The following FGF13 variants were observed in gnomAD, a reference collection of about 807,000 sequenced individuals.
The protein encoded by FGF13 is fibroblast growth factor 13.
In FGF13, 2 loss-of-function variants were observed where a neutral mutation model predicts 19.5. The ratio of observed to expected loss-of-function variants is 0.10; its 90% CI spans 0.04 to 0.32. FGF13 has a LOEUF of 0.32. FGF13 is among the 10% of genes least tolerant of loss of function. The probability of loss-of-function intolerance (pLI) is 1.00; values close to 1 mark genes in which losing one functional copy is unlikely to be tolerated. For missense variants in FGF13, 113 were observed against 192.7 expected (o/e 0.59, Z 2.45); for synonymous variants, 72 against 76.9 (o/e 0.94, Z 0.33).
intron 3 of FGF13, among the ~76,000 whole-genome samples, chrX:138,694,790 T>C (rs2089877834): frequency 9.1e-6 from 1 of 110,383 alleles, no homozygotes; most frequent in Admixed American, 9.7e-5. Context: ...TAATTTTTTC[T>C]ACCTCAGTTT....
At chrX:138,949,366 G>T (rs1297591475) in intron 1 of FGF13, among the ~76,000 whole-genome samples, 1 of 111,347 alleles carries the variant, frequency 9.0e-6, no homozygotes, top group Admixed American at 9.6e-5. Context: ...TTAGCTTCTG[G>T]TGGTTGCCAA....
rs927455422 is a variant in FGF13, at chrX:138,622,325, A to G, written c.*10525T>C. ...CATACTCAAATCAATAAATATGAACAATAAGACAATGAAGGATAATAATCA... is the reference window on the plus strand; with the variant it reads ...CATACTCAAATCAATAAATATGAACGATAAGACAATGAAGGATAATAATCA... On this transcript the variant is annotated 3_prime_UTR_variant, in exon 5 of 5. Transcript: ENST00000315930. 1.8e-5 allele frequency: 2 copies of G among 111,790 alleles called. No homozygotes were observed. The highest frequency in any genetic ancestry group is 6.5e-5 in the African/African-American group (2 of 30,823). 9.2% of individuals were successfully genotyped at this position (111,790 alleles called of 1,213,427 possible).
chrX:138,821,870 A>G (rs1234952486), intron 3 of FGF13, among the ~76,000 whole-genome samples: 3 of 111,931 alleles, frequency 2.7e-5, no homozygotes, highest in Non-Finnish European at 5.6e-5. Flanking sequence ...CCTTTTAAAA[A>G]GAAAAATAAT....
chrX:139,061,720 C>G (rs1359233055), intron 1 of FGF13, among the ~76,000 whole-genome samples: 6 of 111,536 alleles, frequency 5.4e-5, no homozygotes, highest in African/African-American at 2.0e-4. Flanking sequence ...CATATCCTTG[C>G]CAACTCTTAT....
At chrX:138,945,502 G>A (rs891196556) in intron 1 of FGF13, among the ~76,000 whole-genome samples, 5 of 111,589 alleles carry the variant, frequency 4.5e-5, no homozygotes, top group East Asian at 2.9e-4. Context: ...ATGAACAGTG[G>A]GGGGGTCATT....
Position 139,162,314 on chromosome X carries a change from A to G in FGF13, c.-113+41102T>C, listed in dbSNP as rs184023401. ...CAATGGGGAAAGGATTCTCTATTCAATAAATGGTGTTGGGAAAACTGGCTA... is the reference window on the plus strand; with the variant it reads ...CAATGGGGAAAGGATTCTCTATTCAGTAAATGGTGTTGGGAAAACTGGCTA... On this transcript the variant is annotated intron_variant, in intron 1 of 2. Transcript: ENST00000421460. 4.0e-4 allele frequency among the ~76,000 whole-genome samples: 45 copies of G among 112,501 alleles called. No homozygotes were observed. In the East Asian group the frequency reaches 8.9e-3, roughly 22 times the overall value.
chrX:138,804,709 G>A (rs181705622), intron 3 of FGF13, among the ~76,000 whole-genome samples: 174 of 111,842 alleles, frequency 1.6e-3, no homozygotes, highest in African/African-American at 5.5e-3. Context: ...TTAGAAGGCC[G>A]CCTTGCGATT....
intron 1 of FGF13, among the ~76,000 whole-genome samples, chrX:139,019,793 C>A (rs189772830): frequency 1.8e-4 from 20 of 109,322 alleles, no homozygotes; most frequent in African/African-American, 5.3e-4. Context: ...CACAATGAAC[C>A]AGTCTAGAAA....
At chrX:138,766,726 CAA>C (rs1327863730) in intron 3 of FGF13, among the ~76,000 whole-genome samples, 1 of 111,622 alleles carries the variant, frequency 9.0e-6, no homozygotes, top group Non-Finnish European at 1.9e-5. Context: ...AACATGCCTG[CAA>C]AGAGACCAAA....
chrX:139,038,696 C>CTCTCT (rs1416719170), intron 1 of FGF13, among the ~76,000 whole-genome samples: 1 of 111,624 alleles, frequency 9.0e-6, no homozygotes, highest in African/African-American at 3.3e-5. Context: ...TAACGAAGTC[C>CTCTCT]TCTCTTCTGA....
At chrX:138,710,418 G>C (rs186010096) in intron 1 of FGF13, among the ~76,000 whole-genome samples, 3 of 111,573 alleles carry the variant, frequency 2.7e-5, no homozygotes, top group African/African-American at 9.8e-5. Context: ...AAGCAAGAGA[G>C]GGATTCCCCA....
upstream of FGF13, among the ~76,000 whole-genome samples, chrX:138,743,829 A>G (rs541984376): frequency 1.6e-4 from 18 of 111,206 alleles, no homozygotes; most frequent in South Asian, 4.7e-3. Context: ...GTGGAAACTC[A>G]CTAAGAGAGG....
At chrX:139,073,695 C>T (rs2092383981) in intron 1 of FGF13, among the ~76,000 whole-genome samples, 1 of 111,744 alleles carries the variant, frequency 8.9e-6, no homozygotes, top group African/African-American at 3.3e-5. Flanking sequence ...TACCACAACA[C>T]GTATCAATCA....
At position 138,623,399 on chromosome X, in the gene FGF13, T is replaced by C. The variant is rs2089030154; in HGVS notation, c.*9451A>G. ...TTGGTATTAGTTTTTCCTCAAATGT[T>C]GGGTGGAATTCACCAATGTTGATAC... On this transcript the variant is annotated 3_prime_UTR_variant, in exon 5 of 5. Coordinates refer to ENST00000315930, the MANE Select transcript of FGF13 (RefSeq NM_004114.5). The C allele has an allele frequency of 1.8e-5, 2 of 111,478 alleles. No homozygotes were observed. Among genetic ancestry groups the C allele is most frequent in the African/African-American group, 6.5e-5 (2 of 30,614 alleles). 9.2% of individuals were successfully genotyped at this position (111,478 alleles called of 1,213,427 possible).
intron 3 of FGF13, among the ~76,000 whole-genome samples, chrX:138,835,915 T>G (rs1013730939): frequency 9.0e-6 from 1 of 111,085 alleles, no homozygotes; most frequent in Admixed American, 9.6e-5. Context: ...TTATGAAGCT[T>G]AGTTCGGCCA....
At chrX:138,741,591 C>A (rs2090318245), upstream of FGF13, among the ~76,000 whole-genome samples, 1 of 111,428 alleles carries the variant, frequency 9.0e-6, no homozygotes, top group Non-Finnish European at 1.9e-5. Flanking sequence ...ATTCCACATC[C>A]CCCTATTCTC....
intron 1 of FGF13, among the ~76,000 whole-genome samples, chrX:138,951,794 G>A (rs1489241325): frequency 8.9e-6 from 1 of 111,832 alleles, no homozygotes; most frequent in Admixed American, 9.5e-5. Flanking sequence ...ACCCTGTTAG[G>A]TATAGCCTGT....
At chrX:138,979,819 T>C (rs2091956062) in intron 1 of FGF13, among the ~76,000 whole-genome samples, 1 of 111,619 alleles carries the variant, frequency 9.0e-6, no homozygotes, top group Non-Finnish European at 1.9e-5. Flanking sequence ...CCTATCTTTA[T>C]GTTAGAATTC....
upstream of FGF13, chrX:138,739,490 A>G (rs1160107918): frequency 2.2e-5 from 7 of 321,025 alleles, no homozygotes; most frequent in Admixed American, 5.9e-5. Context: ...ATCATGTAGC[A>G]GTATTGTTCT....
Sources: allele counts gnomAD v4.1 joint callset (sites outside exome capture counted in the v4.1 genomes callset), GRCh38; gene constraint gnomAD v4.1.1; transcripts MANE v1.5; gene names NCBI Gene and HGNC (gene_info 2026-07-23, HGNC 2026-07-21).